The following KIF18A variants were observed in gnomAD, a reference collection of about 807,000 sequenced individuals.
The protein encoded by KIF18A is kinesin family member 18A.
KIF18A carries 67 observed loss-of-function variants against 103.3 expected under a neutral mutation model. The observed-to-expected ratio is 0.65, with a 90% CI of 0.53 to 0.79. The LOEUF (loss-of-function observed/expected upper bound fraction) is 0.79. Ranked by LOEUF, KIF18A falls within the 30% of genes least tolerant of loss-of-function variation. The pLI is 0.00. For missense variants in KIF18A, 1,032 were observed against 1,062.5 expected (o/e 0.97, Z 0.40); for synonymous variants, 367 against 355.5 (o/e 1.03, Z -0.36).
At chr11:28,028,528 A>G (rs1418098703) in intron 15 of KIF18A, among the ~76,000 whole-genome samples, 2 of 152,196 alleles carry the variant, frequency 1.3e-5, no homozygotes, top group East Asian at 3.8e-4. Context: ...CATTTAAAGC[A>G]GTGTGTAGAG....
intron 5 of KIF18A, among the ~76,000 whole-genome samples, chr11:28,089,632 A>G (rs1190413809): frequency 6.6e-6 from 1 of 152,174 alleles, no homozygotes; most frequent in Non-Finnish European, 1.5e-5. Context: ...ATCTTATGGG[A>G]CCACTGTTGT....
At chr11:28,080,041 G>A (rs1184964367) in intron 9 of KIF18A, among the ~76,000 whole-genome samples, 5 of 152,050 alleles carry the variant, frequency 3.3e-5, no homozygotes, top group African/African-American at 9.7e-5. Context: ...AAGTAGATTA[G>A]TTAAGCTATA....
chr11:28,029,769 A>G (rs1429737977), intron 15 of KIF18A, among the ~76,000 whole-genome samples: 8 of 140,542 alleles, frequency 5.7e-5, no homozygotes, highest in Non-Finnish European at 3.1e-5. Context: ...ATGATTGTAT[A>G]TCTAGAAAAC....
At chr11:28,040,315 G>T (rs900746251) in intron 13 of KIF18A, among the ~76,000 whole-genome samples, 1 of 151,656 alleles carries the variant, frequency 6.6e-6, no homozygotes, top group African/African-American at 2.4e-5. Flanking sequence ...AAAGAGATCT[G>T]CTGTACTTTT....
chr11:28,100,629 G>A (rs1239857322), intron 1 of KIF18A, among the ~76,000 whole-genome samples: 2 of 151,690 alleles, frequency 1.3e-5, no homozygotes, highest in Admixed American at 1.3e-4. Flanking sequence ...CAATATTCAA[G>A]CTGAAATATG....
At chr11:28,104,597 T>C (rs1276338355) in intron 1 of KIF18A, among the ~76,000 whole-genome samples, 2 of 150,296 alleles carry the variant, frequency 1.3e-5, no homozygotes, top group Non-Finnish European at 3.0e-5. Context: ...CTCCAATCCC[T>C]TACTAGGTTT....
chr11:28,039,784 G>C (rs969712785), intron 13 of KIF18A, among the ~76,000 whole-genome samples: 20 of 151,876 alleles, frequency 1.3e-4, no homozygotes, highest in Middle Eastern at 3.4e-3. Context: ...TGAAGGAATA[G>C]CATGGAGATG....
At position 28,096,139 on chromosome 11, in the gene KIF18A, G is replaced by A. The variant is rs140340814; in HGVS notation, c.326-1339C>T. On this transcript the variant is annotated intron_variant, in intron 2 of 16. Coordinates refer to ENST00000263181, the MANE Select transcript of KIF18A (RefSeq NM_031217.4). Reference sequence around the variant, plus strand: ...TGCAGTGAGCTGTGATTGCACCAGCGCACTCCAGCCTGGGCAACACAGCAA... The same window carrying A: ...TGCAGTGAGCTGTGATTGCACCAGCACACTCCAGCCTGGGCAACACAGCAA... Among the ~76,000 whole-genome samples, 581 of 105,346 alleles carry A rather than the reference G, an allele frequency of 5.5e-3. 3 individuals are homozygous for A. Among genetic ancestry groups the A allele is most frequent in the Middle Eastern group, 0.015 (1 of 68 alleles). The allele number at this position is 105,346 out of a possible 152,430, so 69.1% of individuals were successfully genotyped here.
At position 28,106,328 on chromosome 11, in the gene KIF18A, AC is replaced by A. The variant is rs1200448840; in HGVS notation, c.-47+1735del. 2.6e-5 allele frequency among the ~76,000 whole-genome samples: 4 copies of A among 152,172 alleles called. No homozygotes were observed. In the East Asian group the frequency reaches 7.7e-4, roughly 29 times the overall value. ...TATGATATATTAAATACAAACTCAA[AC>A]CTGAATTAGATTCAGATTCAACAAA... On this transcript the variant is annotated intron_variant, in intron 1 of 16. Transcript: ENST00000263181.
chr11:28,079,509 C>T (rs2133549440), intron 9 of KIF18A, among the ~76,000 whole-genome samples: 1 of 152,172 alleles, frequency 6.6e-6, no homozygotes, highest in South Asian at 2.1e-4. Flanking sequence ...CTGAAAGCCA[C>T]TTTTGACTAT....
At chr11:28,079,655 A>G (rs940812780) in intron 9 of KIF18A, among the ~76,000 whole-genome samples, 14 of 152,074 alleles carry the variant, frequency 9.2e-5, no homozygotes, top group African/African-American at 2.7e-4. Context: ...AGAATGTCAA[A>G]TAAGTTTACC....
intron 13 of KIF18A, among the ~76,000 whole-genome samples, chr11:28,058,693 A>C (rs1850816889): frequency 8.4e-6 from 1 of 118,504 alleles, no homozygotes; most frequent in South Asian, 2.7e-4. Flanking sequence ...AAAAAAAAAA[A>C]AGAAAAGAGT....
At chr11:28,045,951 C>T (rs1021426838) in intron 13 of KIF18A, among the ~76,000 whole-genome samples, 1 of 151,662 alleles carries the variant, frequency 6.6e-6, no homozygotes, top group Non-Finnish European at 1.5e-5. Flanking sequence ...AAATGCTCAT[C>T]ATCACTGGCC....
Position 28,097,916 on chromosome 11 carries a change from T to C in KIF18A, c.32A>G (p.His11Arg), listed in dbSNP as rs763203090. 5.1e-5 allele frequency: 81 copies of C among 1,596,282 alleles called. No homozygotes were observed. The highest frequency in any genetic ancestry group is 2.0e-5 in the Non-Finnish European group (24 of 1,172,274). Residue 11 changes from histidine to arginine, a missense_variant, in exon 2 of 17, where the codon CAT becomes CGT. Physicochemically the swap from His to Arg is conservative, Grantham distance 29 (BLOSUM62 0). Coordinates refer to ENST00000263181, the MANE Select transcript of KIF18A (RefSeq NM_031217.4). The stretch of plus-strand genomic sequence containing the variant: ...ACGTACACGAACTACTACTTTCATA[T>C]GGTGGCACAGGTCTTCCTCAGTGAC... MSVTEEDLCH[H>R]MKVVVRVRPE... is the part of the protein sequence containing the mutation.
At chr11:28,084,594 C>T (rs1590703822) in intron 7 of KIF18A, 38 bp downstream of exon 7, 1 of 1,464,060 alleles carries the variant, frequency 6.8e-7, no homozygotes, top group Non-Finnish European at 9.4e-7. Context: ...CATATGCAGA[C>T]AATACCTTCA....
At chr11:28,061,187 T>C (rs529528299) in intron 12 of KIF18A, among the ~76,000 whole-genome samples, 154 of 152,208 alleles carry the variant, frequency 1.0e-3, no homozygotes, top group Non-Finnish European at 2.0e-3. Context: ...AAACTTTATA[T>C]GAAATGTATT....
chr11:28,087,590 G>T (rs575311708), intron 6 of KIF18A, among the ~76,000 whole-genome samples: 18 of 151,992 alleles, frequency 1.2e-4, no homozygotes, highest in Middle Eastern at 6.8e-3. Context: ...TAATTCTTTG[G>T]GCGTATATAC....
intron 11 of KIF18A, among the ~76,000 whole-genome samples, chr11:28,062,923 A>G (rs1358294760): frequency 6.6e-6 from 1 of 152,062 alleles, no homozygotes; most frequent in Non-Finnish European, 1.5e-5. Context: ...TCTATTGATG[A>G]GTAACAATTT....
At chr11:28,054,286 C>T (rs1464951978) in intron 13 of KIF18A, among the ~76,000 whole-genome samples, 4 of 151,576 alleles carry the variant, frequency 2.6e-5, no homozygotes, top group Non-Finnish European at 5.9e-5. Context: ...TCTCGGCTCA[C>T]TGCAGCCTCA....
Sources: gnomAD v4.1 joint callset for allele counts (sites outside exome capture counted in the v4.1 genomes callset) on GRCh38, gnomAD v4.1.1 for gene constraint, MANE v1.5 for transcripts, NCBI Gene and HGNC (gene_info 2026-07-23, HGNC 2026-07-21) for gene names.